RLBP1: variants seen among roughly 807,000 people sequenced by gnomAD.
The protein encoded by RLBP1 is retinaldehyde-binding protein 1.
In RLBP1, 26 loss-of-function variants were observed where a neutral mutation model predicts 36.2. That is an observed-to-expected ratio of 0.72 (90% confidence interval 0.53 to 1.00). The LOEUF (loss-of-function observed/expected upper bound fraction) is 1.00, where lower values mean the gene tolerates loss of function less well. Among genes scored for constraint, RLBP1 ranks in the 50% least tolerant of loss-of-function variants. The probability of loss-of-function intolerance (pLI) is 0.00; values close to 1 mark genes in which losing one functional copy is unlikely to be tolerated. For missense variants in RLBP1, 410 were observed against 402.4 expected, an observed-to-expected ratio of 1.02 and a Z score of -0.16; for synonymous variants, 155 against 156.2, an observed-to-expected ratio of 0.99 and a Z score of 0.06.
At position 89,218,687 on chromosome 15, in the gene RLBP1, T is replaced by C; in HGVS notation, c.19A>G (p.Thr7Ala). 2 of 1,614,152 alleles carry C rather than the reference T, an allele frequency of 1.2e-6. No individual in the cohort carries two copies. Among genetic ancestry groups the C allele is most frequent in the Admixed American group, 1.7e-5 (1 of 60,030 alleles). Reference protein sequence around the residue: MSEGVGTFRMVPEEEQE... With the variant: MSEGVGAFRMVPEEEQE... Reference sequence around the variant, plus strand: ...TCCTCTTCAGGTACCATGCGGAACGTGCCCACCTGGGCAGAGAAAGGAAAA... The same window carrying C: ...TCCTCTTCAGGTACCATGCGGAACGCGCCCACCTGGGCAGAGAAAGGAAAA... Residue 7 changes from threonine (T) to alanine (A), a missense_variant, in exon 4 of 9, where the codon ACG (threonine) becomes GCG (alanine). By Grantham distance (58) the Thr-to-Ala change is moderately conservative. Coordinates refer to ENST00000268125, the MANE Select transcript of RLBP1 (RefSeq NM_000326.5). The surrounding 1 kb of genome is among the most constrained non-coding windows in gnomAD (Gnocchi z 4.6).
Position 89,210,829 on chromosome 15 carries a change from C to A in RLBP1, c.685-20G>T, listed in dbSNP as rs1596180666. Reference sequence around the variant, plus strand: ...GGAATCCTGCGGTGACAGAGAGATACCCCGTTCCCCATGGCCCCAGTGACC... The same window carrying A: ...GGAATCCTGCGGTGACAGAGAGATAACCCGTTCCCCATGGCCCCAGTGACC... On this transcript the variant is annotated intron_variant, in intron 7 of 8. Coordinates refer to ENST00000268125, the MANE Select transcript of RLBP1 (RefSeq NM_000326.5). This position sits in a 1 kb window ranked among gnomAD's most constrained non-coding sequence, Gnocchi z 4.7. 5 of 1,521,044 alleles carry A rather than the reference C, an allele frequency of 3.3e-6. No homozygotes were observed. The highest frequency in any genetic ancestry group is 1.4e-5 in the African/African-American group (1 of 72,818). 94.2% of individuals were successfully genotyped at this position (1,521,044 alleles called of 1,614,324 possible). A position where few individuals can be genotyped will look rare whatever the true frequency, so the allele number is the denominator to read the frequency against.
chr15:89,215,323 C>T, intron 5 of RLBP1, 85 bp from the exon 6 acceptor site: 1 of 1,336,706 alleles, frequency 7.5e-7, no homozygotes, highest in Non-Finnish European at 1.1e-6. Context: ...GAGACCTGAC[C>T]TCCTGCCAGG....
chr15:89,215,093 C>G lies in RLBP1; in HGVS notation c.492G>C (p.Glu164Asp). ...YGRVVMLFNI[E>D]NWQSQEITFD... Reference sequence around the variant, plus strand: ...AGGTGATTTCTTGACTTTGCCAGTTCTCAATGTTGAAGAGCATGACCACTC... The same window carrying G: ...AGGTGATTTCTTGACTTTGCCAGTTGTCAATGTTGAAGAGCATGACCACTC... The change falls in exon 6 of 9, where the codon GAG becomes GAC. Residue 164 changes from glutamate (E) to aspartate (D), a missense_variant. Glu to Asp is a conservative substitution (Grantham distance 45, BLOSUM62 2). Transcript: ENST00000268125. 1 of 1,614,254 alleles carries G rather than the reference C, an allele frequency of 6.2e-7. No individual in the cohort carries two copies. The highest frequency in any genetic ancestry group is 8.5e-7 in the Non-Finnish European group (1 of 1,180,042).
intron 2 of RLBP1, 164 bp downstream of exon 2, chr15:89,219,573 G>T (rs760445102): frequency 4.3e-4 from 71 of 163,766 alleles, no homozygotes; most frequent in Middle Eastern, 3.3e-3. Context: ...GAGACTGGAA[G>T]TGTGTTCTGT....
chr15:89,219,205 ACT>A, intron 2 of RLBP1, 130 bp from the exon 3 acceptor site: 2 of 614,050 alleles, frequency 3.3e-6, no homozygotes, highest in Non-Finnish European at 5.8e-6. Context: ...CATGATTCTG[ACT>A]CTGCAGGTGC....
At position 89,218,680 on chromosome 15, in the gene RLBP1, CG is replaced by C; in HGVS notation, c.25del (p.Arg9AlafsTer44). 6.2e-7 allele frequency: 1 copy of C among 1,614,140 alleles called. No homozygotes were observed. The highest frequency in any genetic ancestry group is 8.5e-7 in the Non-Finnish European group (1 of 1,180,040). The stretch of plus-strand genomic sequence containing the variant: ...CTCCTGTTCCTCTTCAGGTACCATG[CG>C]GAACGTGCCCACCTGGGCAGAGAAA... The part of the protein sequence containing the change: MSEGVGTF[R>X]MVPEEEQELR... On this transcript the variant is annotated frameshift_variant, in exon 4 of 9. Transcript: ENST00000268125. LOFTEE classifies it high-confidence loss of function. The surrounding 1 kb of genome is among the most constrained non-coding windows in gnomAD (Gnocchi z 4.6).
chr15:89,221,323 A>G (rs1416194063), intron 1 of RLBP1, among the ~76,000 whole-genome samples: 1 of 152,230 alleles, frequency 6.6e-6, no homozygotes, highest in Non-Finnish European at 1.5e-5. Context: ...AATACTAAAA[A>G]AGTATTTGCT....
Position 89,217,327 on chromosome 15 carries a change from A to G in RLBP1, c.142-3T>C, listed in dbSNP as rs1334008836. The G allele has an allele frequency of 1.2e-6, 2 of 1,603,724 alleles. No individual in the cohort carries two copies. The highest frequency in any genetic ancestry group is 2.2e-5 in the East Asian group (1 of 44,894). On this transcript the variant is annotated splice_polypyrimidine_tract_variant and splice_region_variant and intron_variant, in intron 4 of 8. Transcript: ENST00000268125. ...CTCTCGTTCAGCTCATCCTTGGCCT[A>G]GAACAGGGTGGGGTGTGCATGAAGT...
chr15:89,221,368 G>T (rs893938384), intron 1 of RLBP1, among the ~76,000 whole-genome samples, 167 bp downstream of exon 1: 2 of 152,338 alleles, frequency 1.3e-5, no homozygotes, highest in African/African-American at 2.4e-5. Flanking sequence ...TGGGTGTCCT[G>T]TATTTTTATT....
rs1380923865 is a variant in RLBP1 at position 89,217,228 on chromosome 15, G to C, written c.238C>G (p.Leu80Val). 5.0e-6 allele frequency: 8 copies of C among 1,612,724 alleles called. No homozygotes were observed. The Admixed American group carries it at 1.3e-4, about 27-fold the overall frequency. Residue 80 changes from leucine (L) to valine (V), a missense_variant, in exon 5 of 9, where the codon CTG (leucine) becomes GTG (valine). Transcript: ENST00000268125. ...VQAQAASGEE[L>V]AVAVAERVQE... The stretch of plus-strand genomic sequence containing the variant: ...ACCCTCTCCGCCACGGCCACCGCCA[G>C]CTCCTCCCCCGAGGCCGCCTGCGCC...
chr15:89,216,922 G>T (rs1010178938), intron 5 of RLBP1, among the ~76,000 whole-genome samples, 198 bp downstream of exon 5: 1 of 152,204 alleles, frequency 6.6e-6, no homozygotes, highest in Non-Finnish European at 1.5e-5. Flanking sequence ...CCAGAAATCT[G>T]CTCCTGACAC....
chr15:89,210,838 C>G lies in RLBP1; in HGVS notation c.685-29G>C. 7 of 1,476,974 alleles carry G rather than the reference C, an allele frequency of 4.7e-6. No individual in the cohort carries two copies. The highest frequency in any genetic ancestry group is 6.5e-6 in the Non-Finnish European group (7 of 1,078,244). 91.5% of individuals were successfully genotyped at this position (1,476,974 alleles called of 1,614,324 possible). A position where few individuals can be genotyped will look rare whatever the true frequency, so the allele number is the denominator to read the frequency against. Reference sequence around the variant, plus strand: ...CGGTGACAGAGAGATACCCCGTTCCCCATGGCCCCAGTGACCTCAGAGGCT... The same window carrying G: ...CGGTGACAGAGAGATACCCCGTTCCGCATGGCCCCAGTGACCTCAGAGGCT... On this transcript the variant is annotated intron_variant, in intron 7 of 8. Transcript: ENST00000268125. The surrounding 1 kb of genome is among the most constrained non-coding windows in gnomAD (Gnocchi z 4.7).
rs764825249 is a variant in RLBP1 at position 89,215,134 on chromosome 15, G to C, written c.451C>G (p.Arg151Gly). Residue 151 changes from arginine to glycine, a missense_variant, in exon 6 of 9, where the codon CGG (arginine) becomes GGG (glycine). Coordinates refer to ENST00000268125, the MANE Select transcript of RLBP1 (RefSeq NM_000326.5). ...ATGACCACTCGGCCATACTTGTCCC[G>C]ACTAGAGAGGACACCAGGGTAGCCA... Reference protein sequence around the residue: ...EAGYPGVLSSRDKYGRVVMLF... With the variant: ...EAGYPGVLSSGDKYGRVVMLF... The C allele has an allele frequency of 6.2e-7, 1 of 1,614,196 alleles. No homozygotes were observed. The highest frequency in any genetic ancestry group is 2.2e-5 in the East Asian group (1 of 44,882).
Position 89,211,804 on chromosome 15 carries a change from G to A in RLBP1, c.623C>T (p.Thr208Ile). Residue 208 changes from threonine (T) to isoleucine (I), a missense_variant, in exon 7 of 9, where the codon ACC (threonine) becomes ATC (isoleucine). Coordinates refer to ENST00000268125, the MANE Select transcript of RLBP1 (RefSeq NM_000326.5). This position sits in a 1 kb window ranked among gnomAD's most constrained non-coding sequence, Gnocchi z 5.8. ...FCIIENFKGF[T>I]MQQAASLRTS... Reference sequence around the variant, plus strand: ...CCGGAGACTAGCAGCCTGCTGCATGGTAAAGCCCTTGAAGTTCTCAATGAT... The same window carrying A: ...CCGGAGACTAGCAGCCTGCTGCATGATAAAGCCCTTGAAGTTCTCAATGAT... The A allele has an allele frequency of 1.9e-6, 3 of 1,614,168 alleles. No individual in the cohort carries two copies. The highest frequency in any genetic ancestry group is 2.5e-6 in the Non-Finnish European group (3 of 1,180,030).
intron 6 of RLBP1, 33 bp downstream of exon 6, chr15:89,215,027 C>T (rs372849820): frequency 1.2e-6 from 2 of 1,612,226 alleles, no homozygotes; most frequent in South Asian, 1.1e-5. Flanking sequence ...GAACCCAGCC[C>T]ACAGGGTGGG....
intron 5 of RLBP1, 68 bp from the exon 6 acceptor site, chr15:89,215,306 GGACTCAGAGACCTGA>G (rs1555436748): frequency 6.5e-7 from 1 of 1,538,522 alleles, no homozygotes; most frequent in Non-Finnish European, 9.0e-7. Flanking sequence ...CCTCCTAGTG[GGACTCAGAGACCTGA>G]CCTCCTGCCA....
intron 5 of RLBP1, among the ~76,000 whole-genome samples, chr15:89,216,467 CATG>C (rs2051581306): frequency 6.6e-6 from 1 of 152,228 alleles, no homozygotes; most frequent in Non-Finnish European, 1.5e-5. Flanking sequence ...AGATTACAGG[CATG>C]CGCCACCACG....
At chr15:89,215,290 C>G (rs769541879) in intron 5 of RLBP1, 52 bp from the exon 6 acceptor site, 1 of 1,584,776 alleles carries the variant, frequency 6.3e-7, no homozygotes, top group Admixed American at 1.7e-5. Flanking sequence ...CCATCCCTAC[C>G]CCATCCCTCC....
In RLBP1 at chr15:89,214,125, C is replaced by A. The variant is rs1201614666; in HGVS notation, c.525+935G>T. 6.6e-6 allele frequency among the ~76,000 whole-genome samples: 1 copy of A among 152,126 alleles called. No individual in the cohort carries two copies. Among genetic ancestry groups the A allele is most frequent in the African/African-American group, 2.4e-5 (1 of 41,412 alleles). ...TTTCAAGTCATTGAAAAAAGATGGA[C>A]TTTTTAATAAATTGTGTTGGCACAA... On this transcript the variant is annotated intron_variant, in intron 6 of 8. Coordinates refer to ENST00000268125, the MANE Select transcript of RLBP1 (RefSeq NM_000326.5). This position sits in a 1 kb window ranked among gnomAD's most constrained non-coding sequence, Gnocchi z 4.6.
Sources: gnomAD v4.1 joint callset for allele counts (sites outside exome capture counted in the v4.1 genomes callset) on GRCh38, gnomAD v4.1.1 for gene constraint, Gnocchi (gnomAD v3.1) non-coding constraint, MANE v1.5 for transcripts, NCBI Gene and HGNC (gene_info 2026-07-23, HGNC 2026-07-21) for gene names.